Variants in PTK2 observed in about 807,000 individuals in gnomAD.
PTK2 encodes the protein protein tyrosine kinase 2.
A neutral mutation model predicts 150.1 loss-of-function variants in PTK2; 45 were observed. That is an observed-to-expected ratio of 0.30 (90% CI 0.24 to 0.38). PTK2 has a LOEUF of 0.38. Among genes scored for constraint, PTK2 ranks in the 10% least tolerant of loss-of-function variants. The pLI, the probability that PTK2 is intolerant of heterozygous loss-of-function variation, is 1.00. For missense variants in PTK2, 919 were observed against 1,307.3 expected (o/e 0.70, Z 4.58); for synonymous variants, 432 against 449.2 (o/e 0.96, Z 0.48).
intron 14 of PTK2, among the ~76,000 whole-genome samples, chr8:140,785,988 T>A (rs2100084724): frequency 6.6e-6 from 1 of 152,208 alleles, no homozygotes; most frequent in South Asian, 2.1e-4. Context: ...TTTATTTTAA[T>A]TCACTATCTA....
intron 23 of PTK2, among the ~76,000 whole-genome samples, chr8:140,715,281 T>C (rs1431049427): frequency 6.8e-6 from 1 of 147,148 alleles, no homozygotes; most frequent in Non-Finnish European, 1.5e-5. Flanking sequence ...CAAGCAATTA[T>C]CTTGCCTCAG....
chr8:140,825,962 C>T lies in PTK2; in HGVS notation c.648+4510G>A, dbSNP rs769208808. Among the ~76,000 whole-genome samples the T allele has an allele frequency of 3.3e-5, 5 of 152,234 alleles. No homozygotes were observed. The South Asian group carries it at 1.0e-3, about 32-fold the overall frequency. On this transcript the variant is annotated intron_variant, in intron 8 of 31. Coordinates refer to ENST00000522684, the Ensembl canonical transcript of PTK2. The stretch of plus-strand genomic sequence containing the variant: ...TGCAAATTATTCTTAGTAATTGAGG[C>T]ACATATATCCCAGATTCCATTTTTG...
At chr8:140,995,381 C>CAAAAA (rs34527935) in intron 1 of PTK2, among the ~76,000 whole-genome samples, 9 of 92,348 alleles carry the variant, frequency 9.7e-5, no homozygotes, top group Admixed American at 1.4e-4. Context: ...GACTCCGTCT[C>CAAAAA]AAAAAAAAAA....
At chr8:140,889,299 A>G (rs569934258) in intron 3 of PTK2, among the ~76,000 whole-genome samples, 1 of 152,138 alleles carries the variant, frequency 6.6e-6, no homozygotes, top group African/African-American at 2.4e-5. Flanking sequence ...GCACGATCTC[A>G]GCTCACTGCA....
At chr8:140,735,994 G>C (rs559244310) in intron 21 of PTK2, among the ~76,000 whole-genome samples, 26 of 152,266 alleles carry the variant, frequency 1.7e-4, no homozygotes, top group Middle Eastern at 3.4e-3. Flanking sequence ...TTTTCCCCCA[G>C]GAAAGATGTG....
chr8:140,878,067 C>CAAA (rs1568021105), intron 4 of PTK2, among the ~76,000 whole-genome samples: 6 of 152,128 alleles, frequency 3.9e-5, no homozygotes, highest in African/African-American at 1.2e-4. Context: ...AACAAAACAA[C>CAAA]ACAAAAACCC....
chr8:140,847,744 C>T (rs565340719), intron 5 of PTK2, among the ~76,000 whole-genome samples: 1 of 152,292 alleles, frequency 6.6e-6, no homozygotes, highest in South Asian at 2.1e-4. Context: ...AAACTATTTA[C>T]TCTGACCCTT....
chr8:140,923,860 C>A (rs1168964123), intron 2 of PTK2, among the ~76,000 whole-genome samples: 1 of 152,156 alleles, frequency 6.6e-6, no homozygotes, highest in African/African-American at 2.4e-5. Context: ...CCGGCCCAGG[C>A]TGCCTGGATT....
At chr8:140,952,470 A>G (rs1205979141) in intron 1 of PTK2, among the ~76,000 whole-genome samples, 1 of 152,188 alleles carries the variant, frequency 6.6e-6, no homozygotes, top group East Asian at 1.9e-4. Context: ...AAAGAAATGG[A>G]AACTGTATGA....
intron 2 of PTK2, among the ~76,000 whole-genome samples, chr8:140,922,181 A>G (rs997431309): frequency 6.6e-6 from 1 of 152,156 alleles, no homozygotes; most frequent in African/African-American, 2.4e-5. Context: ...ATGCCCCAGG[A>G]CAGTTGTTTC....
rs184292386 is a variant in PTK2 at position 140,663,299 on chromosome 8, G to A, written c.2946+1618C>T. On this transcript the variant is annotated intron_variant, in intron 31 of 31. Transcript: ENST00000522684. ...TGTTAAAAGGCTGTGAAACTCAAAGGAAAGTTGGGAGTTCTCTCTATTAAT... is the reference window on the plus strand; with the variant it reads ...TGTTAAAAGGCTGTGAAACTCAAAGAAAAGTTGGGAGTTCTCTCTATTAAT... 5.3e-5 allele frequency among the ~76,000 whole-genome samples: 8 copies of A among 151,924 alleles called. No individual in the cohort carries two copies. In the East Asian group the frequency reaches 1.2e-3, roughly 22 times the overall value.
intron 23 of PTK2, among the ~76,000 whole-genome samples, chr8:140,707,224 G>T (rs2154155022): frequency 6.6e-6 from 1 of 152,236 alleles, no homozygotes; most frequent in East Asian, 1.9e-4. Flanking sequence ...ATGGGTGAAG[G>T]ATTTCATTTT....
intron 14 of PTK2, among the ~76,000 whole-genome samples, chr8:140,777,003 G>A (rs1056893037): frequency 2.6e-5 from 4 of 152,148 alleles, no homozygotes; most frequent in African/African-American, 4.8e-5. Context: ...CTCACATAAA[G>A]AGTTCTTCTA....
rs190902060 is a variant in PTK2, at chr8:140,764,468, T to A, written c.1178-178A>T. ...GTCATTTATGGAAATAAAAGTGACA[T>A]CATTGTCCAATACGTTATAATACAC... On this transcript the variant is annotated intron_variant, in intron 14 of 31. Transcript: ENST00000522684. 349 of 597,406 alleles carry A rather than the reference T, an allele frequency of 5.8e-4. 4 individuals carry two copies. In the East Asian group the frequency reaches 9.4e-3, roughly 16 times the overall value. The allele number at this position is 597,406 out of a possible 1,614,324, so 37.0% of individuals were successfully genotyped here.
intron 27 of PTK2, among the ~76,000 whole-genome samples, chr8:140,680,446 T>C (rs2100016344): frequency 6.6e-6 from 1 of 152,176 alleles, no homozygotes; most frequent in Admixed American, 6.5e-5. Context: ...GCCAGGCTGG[T>C]CTCGAACTCC....
chr8:140,680,021 T>C (rs575127267), intron 27 of PTK2, among the ~76,000 whole-genome samples: 1 of 152,298 alleles, frequency 6.6e-6, no homozygotes, highest in Admixed American at 6.5e-5. Flanking sequence ...TGGGGGCACT[T>C]AGGCAAGTTT....
intron 26 of PTK2, among the ~76,000 whole-genome samples, chr8:140,691,169 C>T (rs2100022949): frequency 2.0e-5 from 3 of 149,282 alleles, no homozygotes; most frequent in Non-Finnish European, 3.0e-5. Flanking sequence ...GGACAGATTT[C>T]TTTTCTTCTT....
At chr8:140,719,887 C>CAAAAAAAAAAA (rs71308987) in intron 22 of PTK2, among the ~76,000 whole-genome samples, 2 of 90,890 alleles carry the variant, frequency 2.2e-5, no homozygotes, top group African/African-American at 5.3e-5. Flanking sequence ...CTTGTCTCAC[C>CAAAAAAAAAAA]AAAAAAAAAA....
At chr8:140,818,138 C>T (rs1387411417) in intron 10 of PTK2, 139 bp downstream of exon 10, 2 of 721,190 alleles carry the variant, frequency 2.8e-6, no homozygotes, top group Non-Finnish European at 4.7e-6. Flanking sequence ...TTACTTGTCC[C>T]CCACTCCACT....
Sources: gnomAD v4.1 joint callset for allele counts (sites outside exome capture counted in the v4.1 genomes callset) on GRCh38, gnomAD v4.1.1 for gene constraint, MANE v1.5 for transcripts, NCBI Gene and HGNC (gene_info 2026-07-23, HGNC 2026-07-21) for gene names.